MPO: variants seen among roughly 807,000 people sequenced by gnomAD.
MPO encodes myeloperoxidase.
MPO carries 57 observed loss-of-function variants against 69.4 expected under a neutral mutation model. That is an observed-to-expected ratio of 0.82 (90% confidence interval 0.66 to 1.02). The LOEUF (loss-of-function observed/expected upper bound fraction) is 1.02, where lower values mean the gene tolerates loss of function less well. MPO is among the 50% of genes least tolerant of loss of function. The pLI, the probability that MPO is intolerant of heterozygous loss-of-function variation, is 0.00. For missense variants in MPO, 971 were observed against 1,014.1 expected (o/e 0.96, Z 0.58); for synonymous variants, 426 against 417.1 (o/e 1.02, Z -0.26).
chr17:58,280,242 G>T (rs1970498665), intron 2 of MPO, 124 bp downstream of exon 2: 3 of 1,085,962 alleles, frequency 2.8e-6, no homozygotes, highest in Non-Finnish European at 4.2e-6. Flanking sequence ...CAGACAGACA[G>T]AAAGGGAGTC....
intron 9 of MPO, 107 bp from the exon 10 acceptor site, chr17:58,273,025 G>A (rs1490617829): frequency 2.8e-6 from 4 of 1,414,078 alleles, no homozygotes; most frequent in Non-Finnish European, 2.9e-6. Context: ...CGAGAAGAGG[G>A]CTGGGCACAA....
rs998866505 is a variant in MPO at position 58,280,929 on chromosome 17, T to C, written c.-171A>G. ...GACCCCACCTCCACAGCTCACCTGA[T>C]ATTGTCAGCTCCTCTTAGCTCAATC... On this transcript the variant is annotated 5_prime_UTR_variant, in exon 1 of 12. The change creates a new upstream start codon in the 5' untranslated region. Transcript: ENST00000225275. 3 of 706,350 alleles carry C rather than the reference T, an allele frequency of 4.2e-6. No individual in the cohort carries two copies. Among genetic ancestry groups the C allele is most frequent in the Non-Finnish European group, 7.1e-6 (3 of 421,098 alleles). The allele number at this position is 706,350 out of a possible 1,614,324, so 43.8% of individuals were successfully genotyped here. A position where few individuals can be genotyped will look rare whatever the true frequency, so the allele number is the denominator to read the frequency against.
Position 58,270,623 on chromosome 17 carries a change from T to C in MPO, c.*33A>G, listed in dbSNP as rs749254387. ...TGGTTCCAACTGGCCAGCCCAGATATACCCCTCACTGCTGCACCCCCTTAC... is the reference window on the plus strand; with the variant it reads ...TGGTTCCAACTGGCCAGCCCAGATACACCCCTCACTGCTGCACCCCCTTAC... On this transcript the variant is annotated 3_prime_UTR_variant, in exon 12 of 12. Coordinates refer to ENST00000225275, the MANE Select transcript of MPO (RefSeq NM_000250.2). This position sits in a 1 kb window ranked among gnomAD's most constrained non-coding sequence, Gnocchi z 4.1. 2 of 1,558,454 alleles carry C rather than the reference T, an allele frequency of 1.3e-6. No homozygotes were observed. The highest frequency in any genetic ancestry group is 1.7e-6 in the Non-Finnish European group (2 of 1,143,912).
At chr17:58,280,192 G>C (rs925680763) in intron 2 of MPO, 174 bp downstream of exon 2, 1 of 1,030,438 alleles carries the variant, frequency 9.7e-7, no homozygotes, top group Non-Finnish European at 1.5e-6. Flanking sequence ...CTTTGGGAAG[G>C]ATGGCTTTTA....
chr17:58,279,816 T>C lies in MPO; in HGVS notation c.424+23A>G, dbSNP rs200425812. 6.6e-4 allele frequency: 1,064 copies of C among 1,613,934 alleles called. 3 individuals are homozygous for C. The highest frequency in any genetic ancestry group is 8.3e-4 in the Non-Finnish European group (976 of 1,179,944). On this transcript the variant is annotated intron_variant, in intron 3 of 11. Coordinates refer to ENST00000225275, the MANE Select transcript of MPO (RefSeq NM_000250.2). ...AGGAGTCACTAGTGGAGCAGGGACC[T>C]GGGGTGTGATGGGCAACAGTACCAG...
At position 58,280,866 on chromosome 17, in the gene MPO, C is replaced by T. The variant is rs1178931867; in HGVS notation, c.-108G>A. The T allele has an allele frequency of 1.0e-5, 14 of 1,342,588 alleles. No homozygotes were observed. The East Asian group carries it at 3.5e-4, about 33-fold the overall frequency. The allele number at this position is 1,342,588 out of a possible 1,614,324, so 83.2% of individuals were successfully genotyped here. The stretch of plus-strand genomic sequence containing the variant: ...CCTTGAGGGAGGGGCTCACTGCTCT[C>T]TTATCCCCTTGCCAGCTGCTGTCAT... On this transcript the variant is annotated 5_prime_UTR_variant, in exon 1 of 12. Coordinates refer to ENST00000225275, the MANE Select transcript of MPO (RefSeq NM_000250.2).
At chr17:58,280,533 GC>G (rs1171569287) in intron 1 of MPO, 71 bp downstream of exon 1, 1 of 1,613,832 alleles carries the variant, frequency 6.2e-7, no homozygotes, top group Non-Finnish European at 8.5e-7. Context: ...AGGAAGGCCT[GC>G]TCTGAGAAAA....
intron 9 of MPO, 118 bp from the exon 10 acceptor site, chr17:58,273,036 G>A: frequency 1.5e-6 from 2 of 1,303,386 alleles, no homozygotes; most frequent in Non-Finnish European, 2.1e-6. Flanking sequence ...CTGGGCACAA[G>A]CAGTGCCTGG....
At position 58,279,319 on chromosome 17, in the gene MPO, C is replaced by T; in HGVS notation, c.656G>A (p.Arg219His). The part of the protein sequence containing the change: ...LPYGWTPGVK[R>H]NGFPVALARA... ...CACCAGAGCCACCGGGAAGCCGTTG[C>T]GCTTGACCCCGGGCGTCCAGCCGTA... Residue 219 changes from arginine to histidine, a missense_variant, in exon 5 of 12, where the codon CGC (arginine) becomes CAC (histidine). Coordinates refer to ENST00000225275, the MANE Select transcript of MPO (RefSeq NM_000250.2). The T allele has an allele frequency of 1.3e-6, 2 of 1,569,268 alleles. No individual in the cohort carries two copies. The highest frequency in any genetic ancestry group is 1.7e-6 in the Non-Finnish European group (2 of 1,157,386).
chr17:58,271,455 C>G (rs998368254), intron 11 of MPO, among the ~76,000 whole-genome samples, 200 bp downstream of exon 11: 4 of 152,138 alleles, frequency 2.6e-5, no homozygotes, highest in African/African-American at 9.7e-5. Context: ...AACCAGGGGT[C>G]CAGGTCTTTC....
intron 10 of MPO, 95 bp downstream of exon 10, chr17:58,272,653 G>T: frequency 6.9e-7 from 1 of 1,445,154 alleles, no homozygotes; most frequent in Non-Finnish European, 9.4e-7. Flanking sequence ...GCTTTGGAGA[G>T]GGCAGGGACC....
In MPO at chr17:58,270,943, A is replaced by G; in HGVS notation, c.2031-80T>C. 6.6e-6 allele frequency: 10 copies of G among 1,515,876 alleles called. No individual in the cohort carries two copies. In the South Asian group the frequency reaches 1.1e-4, roughly 17 times the overall value. The allele number at this position is 1,515,876 out of a possible 1,614,324, so 93.9% of individuals were successfully genotyped here. A position where few individuals can be genotyped will look rare whatever the true frequency, so the allele number is the denominator to read the frequency against. The stretch of plus-strand genomic sequence containing the variant: ...GCATCGATGGGCTTGTGCTGCTCCC[A>G]GGATATAACAAAGCCACAACAAATG... On this transcript the variant is annotated intron_variant, in intron 11 of 11. Transcript: ENST00000225275. The surrounding 1 kb of genome is among the most constrained non-coding windows in gnomAD (Gnocchi z 4.1).
rs767757996 is a variant in MPO, at chr17:58,279,138, A to G, written c.755T>C (p.Phe252Ser). The change falls in exon 6 of 12, where the codon TTC becomes TCC. Residue 252 changes from phenylalanine to serine, a missense_variant. Coordinates refer to ENST00000225275, the MANE Select transcript of MPO (RefSeq NM_000250.2). The part of the protein sequence containing the change: ...LTPDQERSLM[F>S]MQWGQLLDHD... ...GTCCAACAGCTGGCCCCATTGCATG[A>G]ACATGAGTGAGCGCTCCTGGTCCGG... 33 of 1,612,880 alleles carry G rather than the reference A, an allele frequency of 2.0e-5. No individual in the cohort carries two copies. The highest frequency in any genetic ancestry group is 2.6e-5 in the Non-Finnish European group (31 of 1,179,586).
In MPO at chr17:58,279,371, C is replaced by A. The variant is rs778013714; in HGVS notation, c.604G>T (p.Glu202Ter). The part of the protein sequence containing the change: ...NRAFVRWLPA[E>*]YEDGFSLPYG... Reference sequence around the variant, plus strand: ...GGAAGAGAGAAGCCGTCCTCATACTCCGCCGGCAGCCAGCGCACAAAGGCA... The same window carrying A: ...GGAAGAGAGAAGCCGTCCTCATACTACGCCGGCAGCCAGCGCACAAAGGCA... The change falls in exon 5 of 12, where the codon GAG becomes TAG. Residue 202 changes from glutamate to a stop codon, truncating the protein, a stop_gained. Transcript: ENST00000225275. LOFTEE classifies it high-confidence loss of function. 382 of 1,597,222 alleles carry A rather than the reference C, an allele frequency of 2.4e-4. 1 individual carries two copies. Among genetic ancestry groups the A allele is most frequent in the Non-Finnish European group, 3.1e-4 (366 of 1,172,152 alleles).
intron 6 of MPO, 192 bp downstream of exon 6, chr17:58,278,816 G>A: frequency 1.4e-6 from 1 of 706,932 alleles, no homozygotes; most frequent in Non-Finnish European, 2.4e-6. Context: ...GGCCCTGGCT[G>A]CCAGCTGGCT....
Position 58,275,339 on chromosome 17 carries a change from CGAA to C in MPO, c.1365+200_1365+202del, listed in dbSNP as rs1970423375. Among the ~76,000 whole-genome samples, 1 of 152,038 alleles carries C rather than the reference CGAA, an allele frequency of 6.6e-6. No homozygotes were observed. The highest frequency in any genetic ancestry group is 1.5e-5 in the Non-Finnish European group (1 of 68,004). On this transcript the variant is annotated intron_variant, in intron 8 of 11. Transcript: ENST00000225275. The surrounding 1 kb of genome is among the most constrained non-coding windows in gnomAD (Gnocchi z 4.1). ...AAGAAGACTGCAGGGAGCAAACCTG[CGAA>C]GAAGGAGAGGGAAGGGAAGGAGGCT...
intron 10 of MPO, 56 bp downstream of exon 10, chr17:58,272,691 AC>A: frequency 6.3e-7 from 1 of 1,575,156 alleles, no homozygotes. Context: ...GTGATGGGCT[AC>A]CTAGGAGGCA....
At chr17:58,271,452 G>C (rs1333639372) in intron 11 of MPO, among the ~76,000 whole-genome samples, 1 of 152,102 alleles carries the variant, frequency 6.6e-6, no homozygotes, top group Non-Finnish European at 1.5e-5. Flanking sequence ...TACAACCAGG[G>C]GTCCAGGTCT....
chr17:58,272,605 C>T, intron 10 of MPO, 143 bp downstream of exon 10: 3 of 917,746 alleles, frequency 3.3e-6, no homozygotes, highest in Non-Finnish European at 4.8e-6. Flanking sequence ...AGGGGCCTGG[C>T]CTCAGGCTAC....
Sources: allele counts gnomAD v4.1 joint callset (sites outside exome capture counted in the v4.1 genomes callset), GRCh38; gene constraint gnomAD v4.1.1; non-coding constraint Gnocchi (gnomAD v3.1); transcripts MANE v1.5; gene names NCBI Gene and HGNC (gene_info 2026-07-23, HGNC 2026-07-21).